The following MYT1L variants were observed in gnomAD, a reference collection of about 807,000 sequenced individuals.
MYT1L encodes myelin transcription factor 1-like protein.
In MYT1L, 12 loss-of-function variants were observed where a neutral mutation model predicts 126.7. The observed-to-expected ratio is 0.09, with a 90% CI of 0.06 to 0.15. The LOEUF (loss-of-function observed/expected upper bound fraction) is 0.15. Among genes scored for constraint, MYT1L ranks in the 10% least tolerant of loss-of-function variants. The pLI is 1.00. For missense variants in MYT1L, 979 were observed against 1,585.2 expected, an observed-to-expected ratio of 0.62 and a Z score of 6.49; for synonymous variants, 541 against 604.2, an observed-to-expected ratio of 0.90 and a Z score of 1.53.
chr2:2,312,222 A>G (rs2095984070), intron 1 of MYT1L, among the ~76,000 whole-genome samples: 1 of 151,982 alleles, frequency 6.6e-6, no homozygotes. Context: ...CTCCCTTCCC[A>G]GTGTCTCTGT....
rs937945057 is a variant in MYT1L at position 2,011,601 on chromosome 2, G to A, written c.-157-14254C>T. On this transcript the variant is annotated intron_variant, in intron 4 of 24. Transcript: ENST00000647738. ...ACAAAAGTGAAAAAAACAATCTACA[G>A]AAGGGGAGAAGGTATTTAAAAATCA... is the stretch of plus-strand genomic sequence containing the variant. Among the ~76,000 whole-genome samples the A allele has an allele frequency of 2.0e-5, 3 of 152,002 alleles. 1 individual carries two copies. The highest frequency in any genetic ancestry group is 7.2e-5 in the African/African-American group (3 of 41,380).
chr2:1,947,044 AAT>A (rs1420524995), intron 8 of MYT1L, among the ~76,000 whole-genome samples: 4 of 152,154 alleles, frequency 2.6e-5, no homozygotes, highest in Non-Finnish European at 5.9e-5. Flanking sequence ...TCAGTGCATC[AAT>A]ATGTTTGTCT....
At chr2:2,084,620 T>G (rs2076176655) in intron 3 of MYT1L, among the ~76,000 whole-genome samples, 1 of 152,160 alleles carries the variant, frequency 6.6e-6, no homozygotes, top group Admixed American at 6.6e-5. Context: ...GCAATCGGCC[T>G]GCTGGAACCC....
chr2:1,846,018 C>T (rs1417904553), intron 19 of MYT1L, among the ~76,000 whole-genome samples: 1 of 152,216 alleles, frequency 6.6e-6, no homozygotes, highest in African/African-American at 2.4e-5. Context: ...TCAGACATGA[C>T]TTACTCATTA....
chr2:2,219,557 G>A (rs1479666920), intron 2 of MYT1L, among the ~76,000 whole-genome samples: 1 of 152,220 alleles, frequency 6.6e-6, no homozygotes, highest in African/African-American at 2.4e-5. Context: ...GCCCTGGCAT[G>A]CTTATACTGG....
chr2:2,004,769 T>A (rs551361328), intron 4 of MYT1L, among the ~76,000 whole-genome samples: 10 of 149,428 alleles, frequency 6.7e-5, no homozygotes, highest in Admixed American at 2.7e-4. Flanking sequence ...CCTGAATACG[T>A]TCTTTCCTGC....
chr2:2,132,481 A>C (rs2082501157), intron 3 of MYT1L, among the ~76,000 whole-genome samples: 1 of 148,944 alleles, frequency 6.7e-6, no homozygotes, highest in Admixed American at 6.9e-5. Flanking sequence ...GGAACAGAAA[A>C]CCAAACACCA....
chr2:2,264,587 C>A (rs2095073162), intron 2 of MYT1L, among the ~76,000 whole-genome samples: 1 of 152,166 alleles, frequency 6.6e-6, no homozygotes, highest in Non-Finnish European at 1.5e-5. Flanking sequence ...ACTTCAGGTT[C>A]TGTGCAACGC....
chr2:1,807,733 G>A (rs973029744), intron 22 of MYT1L, among the ~76,000 whole-genome samples: 1 of 152,138 alleles, frequency 6.6e-6, no homozygotes, highest in Non-Finnish European at 1.5e-5. Context: ...CTGCACACAG[G>A]CTGAGAGCAG....
chr2:2,133,139 G>A (rs896509543), intron 3 of MYT1L, among the ~76,000 whole-genome samples: 8 of 152,130 alleles, frequency 5.3e-5, no homozygotes, highest in South Asian at 2.1e-4. Flanking sequence ...GCAAAGGCTC[G>A]CATGCCAGCA....
At chr2:2,277,137 A>G (rs545181224) in intron 2 of MYT1L, among the ~76,000 whole-genome samples, 10 of 150,960 alleles carry the variant, frequency 6.6e-5, no homozygotes, top group African/African-American at 2.2e-4. Context: ...ACCCGCCACC[A>G]CCCCCGGCTA....
chr2:1,896,862 T>G (rs1410449875), intron 14 of MYT1L, among the ~76,000 whole-genome samples: 4 of 151,314 alleles, frequency 2.6e-5, no homozygotes, highest in Non-Finnish European at 5.9e-5. Flanking sequence ...AATTTTTAAC[T>G]AAAACGACTC....
At chr2:1,834,547 A>C (rs2040578071) in intron 21 of MYT1L, among the ~76,000 whole-genome samples, 1 of 152,210 alleles carries the variant, frequency 6.6e-6, no homozygotes, top group South Asian at 2.1e-4. Context: ...AACCTTGAGG[A>C]CATGGGGCTC....
chr2:1,975,632 G>A (rs1461333137), intron 8 of MYT1L, among the ~76,000 whole-genome samples: 1 of 152,244 alleles, frequency 6.6e-6, no homozygotes, highest in Non-Finnish European at 1.5e-5. Context: ...GGGAGGCTGA[G>A]GCGGGTGGAT....
intron 4 of MYT1L, among the ~76,000 whole-genome samples, chr2:2,006,056 A>ATTCTTTCCTGCATGTG (rs1239418977): frequency 8.0e-6 from 1 of 125,348 alleles, no homozygotes; most frequent in African/African-American, 3.2e-5. Flanking sequence ...TCCTGCATGC[A>ATTCTTTCCTGCATGTG]TTCTTTCCTG....
At chr2:2,078,175 A>G (rs1290686430) in intron 3 of MYT1L, among the ~76,000 whole-genome samples, 6 of 152,294 alleles carry the variant, frequency 3.9e-5, no homozygotes, top group African/African-American at 1.4e-4. Flanking sequence ...TTAATGAGAG[A>G]GAAAAATTAA....
chr2:2,320,507 A>G (rs1271610047), intron 1 of MYT1L, among the ~76,000 whole-genome samples: 1 of 152,018 alleles, frequency 6.6e-6, no homozygotes, highest in Non-Finnish European at 1.5e-5. Context: ...AAAAGCCAGC[A>G]AAGAAAGGAA....
At chr2:2,063,698 G>A (rs1440420583) in intron 3 of MYT1L, among the ~76,000 whole-genome samples, 2 of 152,130 alleles carry the variant, frequency 1.3e-5, no homozygotes, top group Non-Finnish European at 1.5e-5. Flanking sequence ...ATAAAAATTA[G>A]CTGGGAGTGA....
At position 1,887,569 on chromosome 2, in the gene MYT1L, C is replaced by G. The variant is rs2048316481; in HGVS notation, c.2561G>C (p.Arg854Thr). ...GATGGTCACCTCCCCGGGATACCGTCTTTCTTCTAGAGCCTCCTGGAATGG... is the reference window on the plus strand; with the variant it reads ...GATGGTCACCTCCCCGGGATACCGTGTTTCTTCTAGAGCCTCCTGGAATGG... The part of the protein sequence containing the change: ...LDPFQEALEE[R>T]RYPGEVTIPS... The change falls in exon 17 of 25, where the codon AGA becomes ACA. Residue 854 changes from arginine to threonine, a missense_variant. Physicochemically the swap from Arg to Thr is moderately conservative, Grantham distance 71 (BLOSUM62 -1). This residue lies in a region of MYT1L where 141 missense variants were observed against 170.6 expected (regional missense o/e 0.83). Coordinates refer to ENST00000647738, the MANE Select transcript of MYT1L (RefSeq NM_001303052.2). The surrounding 1 kb of genome is among the most constrained non-coding windows in gnomAD (Gnocchi z 4.8). The G allele has an allele frequency of 6.2e-7, 1 of 1,613,862 alleles. No homozygotes were observed. The highest frequency in any genetic ancestry group is 8.5e-7 in the Non-Finnish European group (1 of 1,179,896).
Sources: gnomAD v4.1 joint callset for allele counts (sites outside exome capture counted in the v4.1 genomes callset) on GRCh38, gnomAD v4.1.1 for gene constraint, gnomAD v4.1.1 regional missense constraint, Gnocchi (gnomAD v3.1) non-coding constraint, MANE v1.5 for transcripts, NCBI Gene and HGNC (gene_info 2026-07-23, HGNC 2026-07-21) for gene names.